Variants in TXNL4B observed in about 807,000 individuals in gnomAD.
TXNL4B encodes the protein thioredoxin-like protein 4B.
TXNL4B carries 12 observed loss-of-function variants against 13.0 expected under a neutral mutation model. The observed-to-expected ratio is 0.92, with a 90% CI of 0.59 to 1.49. The LOEUF is 1.49. TXNL4B is among the 40% of genes most tolerant of loss of function. TXNL4B has a pLI of 0.00. For synonymous variants in TXNL4B, 59 were observed against 58.9 expected (o/e 1.00, Z -0.01); for missense variants, 214 against 173.6 (o/e 1.23, Z -1.31).
intron 3 of TXNL4B, among the ~76,000 whole-genome samples, chr16:72,087,637 T>A (rs981355689): frequency 1.5e-5 from 2 of 133,298 alleles, no homozygotes; most frequent in Non-Finnish European, 3.1e-5. Context: ...AATAAACAGC[T>A]TTAAAATACT....
intron 2 of TXNL4B, chr16:72,090,189 T>C (rs1198181831): frequency 4.4e-6 from 2 of 456,484 alleles, no homozygotes; most frequent in Admixed American, 2.3e-5. Context: ...TAGAAAAGAT[T>C]ATTTGCAGCT....
rs891088567 is a variant in TXNL4B at position 72,085,223 on chromosome 16, G to A, written c.*1414C>T. 4 of 386,004 alleles carry A rather than the reference G, an allele frequency of 1.0e-5. No homozygotes were observed. Among genetic ancestry groups the A allele is most frequent in the Non-Finnish European group, 1.8e-5 (4 of 218,874 alleles). The allele number at this position is 386,004 out of a possible 1,614,324, so 23.9% of individuals were successfully genotyped here. A position where few individuals can be genotyped will look rare whatever the true frequency, so the allele number is the denominator to read the frequency against. ...TCATGGCACCCCTCCCTGCAGGAAAGGGGTGGAATGGAGCCCCTGGCAAAG... is the reference window on the plus strand; with the variant it reads ...TCATGGCACCCCTCCCTGCAGGAAAAGGGTGGAATGGAGCCCCTGGCAAAG... On this transcript the variant is annotated 3_prime_UTR_variant, in exon 4 of 4. Coordinates refer to ENST00000268483, the MANE Select transcript of TXNL4B (RefSeq NM_017853.3).
rs1232400849 is a variant in TXNL4B at position 72,085,952 on chromosome 16, G to A, written c.*685C>T. ...CAGGAGGTGGAGCTTGCAGTGAGCCGAGATCGCGCCACTGCACTCCAGCCT... is the reference window on the plus strand; with the variant it reads ...CAGGAGGTGGAGCTTGCAGTGAGCCAAGATCGCGCCACTGCACTCCAGCCT... On this transcript the variant is annotated 3_prime_UTR_variant, in exon 4 of 4. Coordinates refer to ENST00000268483, the MANE Select transcript of TXNL4B (RefSeq NM_017853.3). 4 of 150,790 alleles carry A rather than the reference G, an allele frequency of 2.7e-5. No homozygotes were observed. Among genetic ancestry groups the A allele is most frequent in the South Asian group, 2.1e-4 (1 of 4,796 alleles). 9.3% of individuals were successfully genotyped at this position (150,790 alleles called of 1,614,324 possible).
intron 1 of TXNL4B, among the ~76,000 whole-genome samples, chr16:72,092,515 A>C (rs2041926490): frequency 6.6e-6 from 1 of 152,264 alleles, no homozygotes; most frequent in Non-Finnish European, 1.5e-5. Flanking sequence ...TTGATGGCCC[A>C]AAGGGACGTC....
chr16:72,089,549 T>A (rs1367019365), intron 2 of TXNL4B, among the ~76,000 whole-genome samples: 1 of 152,150 alleles, frequency 6.6e-6, no homozygotes, highest in Non-Finnish European at 1.5e-5. Flanking sequence ...AGCATACAAA[T>A]CCTTGGGGAA....
rs2041947853 is a variant in TXNL4B at position 72,093,359 on chromosome 16, G to C, written c.-38+8C>G. 1 of 152,260 alleles carries C rather than the reference G, an allele frequency of 6.6e-6. No individual in the cohort carries two copies. The allele number at this position is 152,260 out of a possible 1,614,324, so 9.4% of individuals were successfully genotyped here. On this transcript the variant is annotated splice_region_variant and intron_variant, in intron 1 of 3. Coordinates refer to ENST00000268483, the MANE Select transcript of TXNL4B (RefSeq NM_017853.3). ...GGCCCACAAGCGCTAAGGGACCCCA[G>C]CACTTACCTTACTCGTCCACGCCGC...
At position 72,092,671 on chromosome 16, in the gene TXNL4B, G is replaced by A. The variant is rs556204684; in HGVS notation, c.-38+696C>T. Reference sequence around the variant, plus strand: ...GTAAGGGGAGAACAAAGTTGTTAGTGGTGAGGCTAGGGGTGCAACTGGACA... The same window carrying A: ...GTAAGGGGAGAACAAAGTTGTTAGTAGTGAGGCTAGGGGTGCAACTGGACA... On this transcript the variant is annotated intron_variant, in intron 1 of 3. Transcript: ENST00000268483. 3.9e-5 allele frequency among the ~76,000 whole-genome samples: 6 copies of A among 152,280 alleles called. 1 individual carries two copies. In the South Asian group the frequency reaches 1.2e-3, roughly 32 times the overall value.
At chr16:72,092,483 G>A (rs1406248081) in intron 1 of TXNL4B, among the ~76,000 whole-genome samples, 1 of 152,120 alleles carries the variant, frequency 6.6e-6, no homozygotes, top group African/African-American at 2.4e-5. Flanking sequence ...TCCAGCTATA[G>A]GTCATACTTT....
chr16:72,088,556 G>A (rs1394883734), intron 3 of TXNL4B, among the ~76,000 whole-genome samples: 14 of 152,184 alleles, frequency 9.2e-5, no homozygotes, highest in Non-Finnish European at 1.3e-4. Flanking sequence ...TAGAAGGAAT[G>A]TTTCTTTCAT....
chr16:72,087,726 G>T (rs970611981), intron 3 of TXNL4B, among the ~76,000 whole-genome samples: 1 of 151,900 alleles, frequency 6.6e-6, no homozygotes, highest in African/African-American at 2.4e-5. Context: ...GTGTAGTGGT[G>T]CGTTCTCTGC....
rs2144090740 is a variant in TXNL4B, at chr16:72,084,904, G to A, written c.*1733C>T. On this transcript the variant is annotated 3_prime_UTR_variant, in exon 4 of 4. Coordinates refer to ENST00000268483, the MANE Select transcript of TXNL4B (RefSeq NM_017853.3). ...CTTTCACAGAAGTCTGAGGCAGGCA[G>A]GTCCAGAGTTCATGCAGGAGCTCAA... 2 of 398,614 alleles carry A rather than the reference G, an allele frequency of 5.0e-6. No individual in the cohort carries two copies. The highest frequency in any genetic ancestry group is 7.1e-5 in the East Asian group (2 of 28,072). The allele number at this position is 398,614 out of a possible 1,614,324, so 24.7% of individuals were successfully genotyped here.
At chr16:72,093,645 C>G (rs1274120712), upstream of TXNL4B, 2 of 152,298 alleles carry the variant, frequency 1.3e-5, no homozygotes, top group Non-Finnish European at 2.9e-5. Context: ...CACCGCCCAC[C>G]TTGCTCGGCT....
At chr16:72,091,790 T>C (rs1384703411) in intron 1 of TXNL4B, among the ~76,000 whole-genome samples, 1 of 152,186 alleles carries the variant, frequency 6.6e-6, no homozygotes, top group East Asian at 1.9e-4. Context: ...AAAACTACAA[T>C]ACCATAAACA....
At chr16:72,090,824 T>C in intron 1 of TXNL4B, 38 bp from the exon 2 acceptor site, 1 of 1,562,644 alleles carries the variant, frequency 6.4e-7, no homozygotes, top group Admixed American at 1.7e-5. Flanking sequence ...CAGTTTAGAT[T>C]AAGTGCGTGA....
intron 3 of TXNL4B, among the ~76,000 whole-genome samples, chr16:72,087,652 T>C (rs2041842767): frequency 8.9e-6 from 1 of 112,254 alleles, no homozygotes; most frequent in Non-Finnish European, 1.7e-5. Context: ...AATACTTTTG[T>C]GTTTTTTTTT....
intron 3 of TXNL4B, chr16:72,087,241 G>C (rs1336100808): frequency 6.5e-6 from 1 of 153,292 alleles, no homozygotes; most frequent in African/African-American, 2.4e-5. Flanking sequence ...TCAAACACCA[G>C]GTATGTTACT....
At chr16:72,093,297 T>C (rs1288144694) in intron 1 of TXNL4B, 70 bp downstream of exon 1, 1 of 152,208 alleles carries the variant, frequency 6.6e-6, no homozygotes, top group East Asian at 1.9e-4. Flanking sequence ...AAATATCCGA[T>C]ATACATATTT....
intron 2 of TXNL4B, among the ~76,000 whole-genome samples, chr16:72,089,610 T>C (rs541596227): frequency 2.8e-4 from 43 of 152,350 alleles, no homozygotes; most frequent in African/African-American, 8.7e-4. Context: ...AATGCTTTTA[T>C]AAAAGTAGCC....
At position 72,086,137 on chromosome 16, in the gene TXNL4B, TG is replaced by T. The variant is rs1425063719; in HGVS notation, c.*499del. On this transcript the variant is annotated 3_prime_UTR_variant, in exon 4 of 4. Transcript: ENST00000268483. Reference sequence around the variant, plus strand: ...AACCTACAGTAATACAGACTGGAGATGGGAAAGCACGAGGGATGTATGAGTC... The same window carrying T: ...AACCTACAGTAATACAGACTGGAGATGGAAAGCACGAGGGATGTATGAGTC... 6.6e-6 allele frequency: 1 copy of T among 152,204 alleles called. No individual in the cohort carries two copies. Among genetic ancestry groups the T allele is most frequent in the Non-Finnish European group, 1.5e-5 (1 of 68,262 alleles). 9.4% of individuals were successfully genotyped at this position (152,204 alleles called of 1,614,324 possible).
Sources: gnomAD v4.1 joint callset for allele counts (sites outside exome capture counted in the v4.1 genomes callset) on GRCh38, gnomAD v4.1.1 for gene constraint, MANE v1.5 for transcripts, NCBI Gene and HGNC (gene_info 2026-07-23, HGNC 2026-07-21) for gene names.